Variants in CACNG1 observed in about 807,000 individuals in gnomAD.
The protein encoded by CACNG1 is calcium voltage-gated channel auxiliary subunit gamma 1.
In CACNG1, 21 loss-of-function variants were observed where a neutral mutation model predicts 22.0. The ratio of observed to expected loss-of-function variants is 0.95; its 90% CI spans 0.68 to 1.37. The LOEUF is 1.37. CACNG1 is among the 40% of genes most tolerant of loss of function. CACNG1 has a pLI of 0.00. For synonymous variants in CACNG1, 127 were observed against 129.2 expected, an observed-to-expected ratio of 0.98 and a Z score of 0.12; for missense variants, 291 against 308.6, an observed-to-expected ratio of 0.94 and a Z score of 0.43.
Position 67,044,811 on chromosome 17 carries a change from T to C in CACNG1, c.151T>C (p.Phe51Leu). The C allele has an allele frequency of 6.2e-7, 1 of 1,613,486 alleles. No individual in the cohort carries two copies. Among genetic ancestry groups the C allele is most frequent in the South Asian group, 1.1e-5 (1 of 91,088 alleles). The change falls in exon 1 of 4, where the codon TTC becomes CTC. Residue 51 changes from phenylalanine to leucine, a missense_variant. Phe to Leu is a conservative substitution (Grantham distance 22). Coordinates refer to ENST00000226021, the MANE Select transcript of CACNG1 (RefSeq NM_000727.4). This position sits in a 1 kb window ranked among gnomAD's most constrained non-coding sequence, Gnocchi z 6.9. ...HHNTTCEAAH[F>L]GLWRICTKRI... is the part of the protein sequence containing the mutation. ...CAACACTACCTGCGAGGCGGCCCACTTCGGCCTCTGGCGGATTTGTACCAA... is the reference window on the plus strand; with the variant it reads ...CAACACTACCTGCGAGGCGGCCCACCTCGGCCTCTGGCGGATTTGTACCAA...
Position 67,055,494 on chromosome 17 carries a change from C to T in CACNG1, c.442+254C>T, listed in dbSNP as rs1332118867. 6.6e-6 allele frequency among the ~76,000 whole-genome samples: 1 copy of T among 152,150 alleles called. No individual in the cohort carries two copies. Among genetic ancestry groups the T allele is most frequent in the Non-Finnish European group, 1.5e-5 (1 of 68,030 alleles). On this transcript the variant is annotated intron_variant, in intron 3 of 3. Coordinates refer to ENST00000226021, the MANE Select transcript of CACNG1 (RefSeq NM_000727.4). This position sits in a 1 kb window ranked among gnomAD's most constrained non-coding sequence, Gnocchi z 4.5. ...AAGAAACTGCCCAGAGAATGATTAA[C>T]AAAAGAAGGAAAGAAACGTGGTCAC...
In CACNG1 at chr17:67,056,154, CGCCTGT is replaced by C; in HGVS notation, c.556_561del (p.Cys186_Ala187del). 6.2e-7 allele frequency: 1 copy of C among 1,613,930 alleles called. No homozygotes were observed. Among genetic ancestry groups the C allele is most frequent in the Non-Finnish European group, 8.5e-7 (1 of 1,180,000 alleles). On this transcript the variant is annotated inframe_deletion, in exon 4 of 4. Coordinates refer to ENST00000226021, the MANE Select transcript of CACNG1 (RefSeq NM_000727.4). The surrounding 1 kb of genome is among the most constrained non-coding windows in gnomAD (Gnocchi z 4.3). ...ACTATTACTCCTGGTCCTTTGCCTG[CGCCTGT>C]GCCGCCTTCATCCTCCTCTTTCTCG...
chr17:67,050,393 A>G (rs1041213835), intron 1 of CACNG1, among the ~76,000 whole-genome samples: 2 of 152,230 alleles, frequency 1.3e-5, no homozygotes, highest in African/African-American at 2.4e-5. Flanking sequence ...TCAATCAGAG[A>G]TGTGGAAGGA....
At chr17:67,046,992 G>A (rs1300331596) in intron 1 of CACNG1, among the ~76,000 whole-genome samples, 2 of 148,622 alleles carry the variant, frequency 1.3e-5, no homozygotes, top group Non-Finnish European at 3.0e-5. Context: ...ATATGTTCCT[G>A]CCTTTTTCCC....
At chr17:67,046,204 C>T (rs758559689) in intron 1 of CACNG1, among the ~76,000 whole-genome samples, 43 of 152,210 alleles carry the variant, frequency 2.8e-4, no homozygotes, top group Non-Finnish European at 5.1e-4. Flanking sequence ...CTCTCAGCAA[C>T]GTGAGATCCC....
At chr17:67,051,518 C>T (rs1010384100) in intron 1 of CACNG1, among the ~76,000 whole-genome samples, 8 of 152,192 alleles carry the variant, frequency 5.3e-5, no homozygotes, top group Non-Finnish European at 1.0e-4. Context: ...GCCCATCAGT[C>T]CTCAGGCCCC....
At chr17:67,047,173 G>T (rs2143408614) in intron 1 of CACNG1, among the ~76,000 whole-genome samples, 1 of 152,044 alleles carries the variant, frequency 6.6e-6, no homozygotes, top group Non-Finnish European at 1.5e-5. Flanking sequence ...GCCAAATATT[G>T]TTGTAAACGC....
chr17:67,054,326 C>A lies in CACNG1; in HGVS notation c.304+256C>A, dbSNP rs1463552767. Reference sequence around the variant, plus strand: ...CAGAAGCAGCACCTCCTGGTAGGCCCCTACACAAGGGCAGCTGTTGTGACG... The same window carrying A: ...CAGAAGCAGCACCTCCTGGTAGGCCACTACACAAGGGCAGCTGTTGTGACG... On this transcript the variant is annotated intron_variant, in intron 2 of 3. Transcript: ENST00000226021. The surrounding 1 kb of genome is among the most constrained non-coding windows in gnomAD (Gnocchi z 4.6). 6.6e-6 allele frequency among the ~76,000 whole-genome samples: 1 copy of A among 152,162 alleles called. No individual in the cohort carries two copies. Among genetic ancestry groups the A allele is most frequent in the Non-Finnish European group, 1.5e-5 (1 of 68,028 alleles).
chr17:67,047,130 T>C (rs914996615), intron 1 of CACNG1, among the ~76,000 whole-genome samples: 2 of 152,136 alleles, frequency 1.3e-5, no homozygotes, highest in Admixed American at 6.5e-5. Flanking sequence ...TTAACAACAA[T>C]AATAATAATG....
At position 67,053,981 on chromosome 17, in the gene CACNG1, TCTC is replaced by T. The variant is rs1468525791; in HGVS notation, c.230-9_230-7del. 3.7e-6 allele frequency: 6 copies of T among 1,610,522 alleles called. No individual in the cohort carries two copies. The highest frequency in any genetic ancestry group is 5.1e-6 in the Non-Finnish European group (6 of 1,176,796). On this transcript the variant is annotated splice_polypyrimidine_tract_variant and intron_variant, in intron 1 of 3. Transcript: ENST00000226021. ...GTTGCTCCCCTCAACTCACAGTCTG[TCTC>T]CTCCTTTGCAGAGAAGAACTGTTCC...
chr17:67,045,450 G>A (rs2035690964), intron 1 of CACNG1, among the ~76,000 whole-genome samples: 1 of 152,002 alleles, frequency 6.6e-6, no homozygotes, highest in Non-Finnish European at 1.5e-5. Context: ...TGGGCCTGGA[G>A]CAGCTGCACA....
At chr17:67,053,703 G>A (rs1178148757) in intron 1 of CACNG1, among the ~76,000 whole-genome samples, 3 of 152,182 alleles carry the variant, frequency 2.0e-5, no homozygotes, top group African/African-American at 4.8e-5. Flanking sequence ...CCTGGGCCTC[G>A]GTTACCCTGT....
At chr17:67,052,754 G>T (rs770823578) in intron 1 of CACNG1, among the ~76,000 whole-genome samples, 1 of 150,800 alleles carries the variant, frequency 6.6e-6, no homozygotes, top group Non-Finnish European at 1.5e-5. Context: ...AAGATAAACC[G>T]TATTTAGCAA....
chr17:67,049,122 G>A (rs1175056559), intron 1 of CACNG1, among the ~76,000 whole-genome samples: 3 of 152,192 alleles, frequency 2.0e-5, no homozygotes, highest in Non-Finnish European at 4.4e-5. Context: ...CTAGACACAT[G>A]ATAATCAAAC....
intron 1 of CACNG1, among the ~76,000 whole-genome samples, chr17:67,049,225 C>G (rs535029357): frequency 1.3e-5 from 2 of 152,220 alleles, no homozygotes; most frequent in African/African-American, 4.8e-5. Flanking sequence ...CCAATTTTTC[C>G]CCAAATCTAT....
chr17:67,056,352 G>A lies in CACNG1; in HGVS notation c.*81G>A. The A allele has an allele frequency of 7.5e-7, 1 of 1,333,444 alleles. No individual in the cohort carries two copies. Among genetic ancestry groups the A allele is most frequent in the Non-Finnish European group, 1.1e-6 (1 of 946,042 alleles). 82.6% of individuals were successfully genotyped at this position (1,333,444 alleles called of 1,614,324 possible). A position where few individuals can be genotyped will look rare whatever the true frequency, so the allele number is the denominator to read the frequency against. The stretch of plus-strand genomic sequence containing the variant: ...CCTGGAACCTTCCAGAGAGGAGGCG[G>A]GAGCAATTTTAGCCCCACCCTGCTC... On this transcript the variant is annotated 3_prime_UTR_variant, in exon 4 of 4. Coordinates refer to ENST00000226021, the MANE Select transcript of CACNG1 (RefSeq NM_000727.4). This position sits in a 1 kb window ranked among gnomAD's most constrained non-coding sequence, Gnocchi z 4.3.
rs1476381778 is a variant in CACNG1 at position 67,054,620 on chromosome 17, CACACAGACACACACA to C, written c.305-475_305-461del. Among the ~76,000 whole-genome samples, 2 of 152,076 alleles carry C rather than the reference CACACAGACACACACA, an allele frequency of 1.3e-5. No homozygotes were observed. Among genetic ancestry groups the C allele is most frequent in the Non-Finnish European group, 2.9e-5 (2 of 68,018 alleles). On this transcript the variant is annotated intron_variant, in intron 2 of 3. Transcript: ENST00000226021. The surrounding 1 kb of genome is among the most constrained non-coding windows in gnomAD (Gnocchi z 4.6). Reference sequence around the variant, plus strand: ...GCAGACACACAGACACACACTGACACACACAGACACACACAACACAGATACACACACACGACACAC... The same window carrying C: ...GCAGACACACAGACACACACTGACACACACAGATACACACACACGACACAC...
chr17:67,053,613 G>A (rs1039052312), intron 1 of CACNG1, among the ~76,000 whole-genome samples: 1 of 152,200 alleles, frequency 6.6e-6, no homozygotes, highest in Non-Finnish European at 1.5e-5. Flanking sequence ...CCCCTGGGGG[G>A]GCAGAATCGG....
At chr17:67,048,308 C>CAAAAAA in intron 1 of CACNG1, among the ~76,000 whole-genome samples, 1 of 110,422 alleles carries the variant, frequency 9.1e-6, no homozygotes, top group Non-Finnish European at 1.8e-5. Flanking sequence ...CTGTCCCTAC[C>CAAAAAA]AAAAAAAAAA....
Sources: gnomAD v4.1 joint callset for allele counts (sites outside exome capture counted in the v4.1 genomes callset) on GRCh38, gnomAD v4.1.1 for gene constraint, Gnocchi (gnomAD v3.1) non-coding constraint, MANE v1.5 for transcripts, NCBI Gene and HGNC (gene_info 2026-07-23, HGNC 2026-07-21) for gene names.